The following KIAA2012 variants were observed in gnomAD, a reference collection of about 807,000 sequenced individuals.
KIAA2012 encodes the protein uncharacterized protein KIAA2012.
In KIAA2012, 125 loss-of-function variants were observed where a neutral mutation model predicts 150.6. That is an observed-to-expected ratio of 0.83 (90% confidence interval 0.72 to 0.96). The LOEUF (loss-of-function observed/expected upper bound fraction) is 0.96, where lower values mean the gene tolerates loss of function less well. Ranked by LOEUF, KIAA2012 falls within the 40% of genes least tolerant of loss-of-function variation. KIAA2012 has a pLI of 0.00. For synonymous variants in KIAA2012, 462 were observed against 504.7 expected (o/e 0.92, Z 1.13); for missense variants, 1,219 against 1,354.9 (o/e 0.90, Z 1.57).
chr2:202,181,542 A>G (rs1183221538), intron 15 of KIAA2012, among the ~76,000 whole-genome samples: 2 of 152,058 alleles, frequency 1.3e-5, no homozygotes, highest in East Asian at 1.9e-4. Context: ...TGATCATGCC[A>G]CTGCACTCCA....
rs1016774877 is a variant in KIAA2012, at chr2:202,092,635, T to G, written c.530-395T>G. Among the ~76,000 whole-genome samples the G allele has an allele frequency of 3.9e-5, 6 of 152,218 alleles. No individual in the cohort carries two copies. The East Asian group carries it at 1.2e-3, about 29-fold the overall frequency. The stretch of plus-strand genomic sequence containing the variant: ...CATTGGGAAGTCCTCAATAAATACT[T>G]ATAGAATGACTGGATTGAGGAGGCT... On this transcript the variant is annotated intron_variant, in intron 3 of 23. Coordinates refer to ENST00000498697, the MANE Select transcript of KIAA2012 (RefSeq NM_001277372.4).
At chr2:202,193,601 T>C (rs1308190461) in intron 20 of KIAA2012, 98 bp downstream of exon 20, 5 of 1,235,682 alleles carry the variant, frequency 4.0e-6, no homozygotes, top group Non-Finnish European at 5.6e-6. Flanking sequence ...GTTCTGAGGC[T>C]CATGCCCTGA....
At chr2:202,185,752 C>G (rs903160268) in intron 16 of KIAA2012, among the ~76,000 whole-genome samples, 5 of 151,246 alleles carry the variant, frequency 3.3e-5, no homozygotes, top group Non-Finnish European at 5.9e-5. Flanking sequence ...AAAAAAAGAG[C>G]AAAACAATCA....
chr2:202,134,640 C>T (rs764770631), intron 12 of KIAA2012, among the ~76,000 whole-genome samples: 21 of 152,162 alleles, frequency 1.4e-4, no homozygotes, highest in Non-Finnish European at 2.6e-4. Context: ...CTGCAACCTC[C>T]GCCTCCTGGG....
At chr2:202,077,233 T>C (rs753534067) in intron 2 of KIAA2012, 1 of 349,394 alleles carries the variant, frequency 2.9e-6, no homozygotes, top group Non-Finnish European at 5.6e-6. Context: ...ACCAATTCCC[T>C]AAATCAAATT....
At chr2:202,201,918 A>G (rs947880563) in intron 22 of KIAA2012, 2 of 859,014 alleles carry the variant, frequency 2.3e-6, no homozygotes, top group Non-Finnish European at 3.9e-6. Flanking sequence ...TCTCGGCATC[A>G]GGGACGGTTA....
At chr2:202,074,636 G>A (rs1273573001) in intron 1 of KIAA2012, among the ~76,000 whole-genome samples, 1 of 152,192 alleles carries the variant, frequency 6.6e-6, no homozygotes, top group East Asian at 1.9e-4. Context: ...TACAAGCTGA[G>A]TTAATCCTCC....
chr2:202,158,464 C>T (rs553080598), intron 14 of KIAA2012, among the ~76,000 whole-genome samples: 16 of 152,282 alleles, frequency 1.1e-4, no homozygotes, highest in Admixed American at 2.0e-4. Flanking sequence ...GGCAGGCTCA[C>T]GTTACTACAG....
chr2:202,077,224 C>T, intron 2 of KIAA2012: 1 of 353,134 alleles, frequency 2.8e-6, no homozygotes, highest in Non-Finnish European at 5.6e-6. Context: ...ACCTGTACAA[C>T]CAATTCCCTA....
intron 11 of KIAA2012, chr2:202,116,205 T>A (rs1690517482): frequency 6.6e-6 from 1 of 152,228 alleles, no homozygotes; most frequent in Non-Finnish European, 1.5e-5. Context: ...AGGTTGGGCA[T>A]CAAGTCCCAT....
chr2:202,128,807 G>A (rs1195210974), intron 12 of KIAA2012, among the ~76,000 whole-genome samples: 2 of 151,502 alleles, frequency 1.3e-5, no homozygotes, highest in Non-Finnish European at 2.9e-5. Context: ...AGCATAGGGT[G>A]CCTCTTTCAC....
chr2:202,148,616 T>C (rs1231392072), intron 13 of KIAA2012, among the ~76,000 whole-genome samples: 1 of 152,124 alleles, frequency 6.6e-6, no homozygotes, highest in East Asian at 1.9e-4. Flanking sequence ...CACATTTGTG[T>C]GGGTGGAAGC....
At chr2:202,079,628 G>C (rs576046366) in intron 2 of KIAA2012, among the ~76,000 whole-genome samples, 2 of 152,116 alleles carry the variant, frequency 1.3e-5, no homozygotes, top group Non-Finnish European at 2.9e-5. Context: ...AACTCCTTAC[G>C]GGTAAAGATA....
At position 202,125,278 on chromosome 2, in the gene KIAA2012, A is replaced by G. The variant is rs1384658799; in HGVS notation, c.1827A>G (p.Leu609=). ...AAGGGCCTAGTAGTCAGCATTTCCT[A>G]AAAGGTAAGCTTTTCCACTAAAAAG... is the stretch of plus-strand genomic sequence containing the variant. ...EEEGPSSQHF[L]KANTEPRANL... The change falls in exon 12 of 24, where the codon CTA becomes CTG. Residue 609 remains leucine, a synonymous_variant. Coordinates refer to ENST00000498697, the MANE Select transcript of KIAA2012 (RefSeq NM_001277372.4). 7.7e-6 allele frequency: 12 copies of G among 1,549,586 alleles called. No individual in the cohort carries two copies. The highest frequency in any genetic ancestry group is 1.0e-5 in the Non-Finnish European group (12 of 1,146,300).
chr2:202,184,868 A>G, intron 16 of KIAA2012, 25 bp downstream of exon 16: 1 of 1,501,398 alleles, frequency 6.7e-7, no homozygotes, highest in Non-Finnish European at 9.0e-7. Flanking sequence ...TTGTAATAAC[A>G]TAGGCTTCTC....
At chr2:202,079,437 C>A (rs1218330816) in intron 2 of KIAA2012, among the ~76,000 whole-genome samples, 1 of 152,330 alleles carries the variant, frequency 6.6e-6, no homozygotes, top group East Asian at 1.9e-4. Flanking sequence ...AATCAAGAAA[C>A]CTGCATGACT....
intron 15 of KIAA2012, among the ~76,000 whole-genome samples, chr2:202,178,082 C>A (rs897828673): frequency 6.6e-6 from 1 of 152,072 alleles, no homozygotes; most frequent in African/African-American, 2.4e-5. Flanking sequence ...ACCTGTAATC[C>A]CAGCTACTTG....
intron 23 of KIAA2012, among the ~76,000 whole-genome samples, chr2:202,203,082 CTCT>C (rs1333234167): frequency 6.6e-6 from 1 of 152,182 alleles, no homozygotes; most frequent in African/African-American, 2.4e-5. Context: ...CCCAACTGAA[CTCT>C]TCATTCACCT....
At chr2:202,163,559 C>T (rs1442630842) in intron 14 of KIAA2012, among the ~76,000 whole-genome samples, 2 of 152,128 alleles carry the variant, frequency 1.3e-5, no homozygotes, top group Non-Finnish European at 2.9e-5. Flanking sequence ...CTCTATCTCC[C>T]TCTCCCACTC....
Sources: gnomAD v4.1 joint callset for allele counts (sites outside exome capture counted in the v4.1 genomes callset) on GRCh38, gnomAD v4.1.1 for gene constraint, MANE v1.5 for transcripts, NCBI Gene and HGNC (gene_info 2026-07-23, HGNC 2026-07-21) for gene names.